EXOC6B: variants seen among roughly 807,000 people sequenced by gnomAD.
The protein encoded by EXOC6B is SEC15 homolog B.
A neutral mutation model predicts 113.5 loss-of-function variants in EXOC6B; 54 were observed. The ratio of observed to expected loss-of-function variants is 0.48; its 90% CI spans 0.38 to 0.60. EXOC6B has a LOEUF of 0.60. Among genes scored for constraint, EXOC6B ranks in the 20% least tolerant of loss-of-function variants. The pLI is 0.00. For missense variants in EXOC6B, 797 were observed against 977.5 expected, an observed-to-expected ratio of 0.82 and a Z score of 2.46; for synonymous variants, 357 against 339.0, an observed-to-expected ratio of 1.05 and a Z score of -0.58.
intron 6 of EXOC6B, among the ~76,000 whole-genome samples, chr2:72,706,251 G>C (rs978395359): frequency 6.6e-6 from 1 of 152,120 alleles, no homozygotes; most frequent in Non-Finnish European, 1.5e-5. Flanking sequence ...ACTTTCCAAT[G>C]AAATACTTTC....
At chr2:72,710,297 A>G (rs1011185179) in intron 6 of EXOC6B, among the ~76,000 whole-genome samples, 17 of 152,210 alleles carry the variant, frequency 1.1e-4, no homozygotes, top group African/African-American at 3.1e-4. Context: ...CCCCAACTCA[A>G]TATCAGTAAA....
intron 20 of EXOC6B, among the ~76,000 whole-genome samples, chr2:72,240,458 G>T (rs577055912): frequency 2.6e-5 from 4 of 152,240 alleles, no homozygotes; most frequent in African/African-American, 9.6e-5. Flanking sequence ...ACACTAAAAT[G>T]TATAGTGCTT....
chr2:72,420,293 T>C (rs1434769592), intron 18 of EXOC6B, among the ~76,000 whole-genome samples: 1 of 152,148 alleles, frequency 6.6e-6, no homozygotes, highest in African/African-American at 2.4e-5. Context: ...AATGTGCAGG[T>C]TTGTTACATA....
At chr2:72,777,086 CA>C (rs1422398374) in intron 1 of EXOC6B, among the ~76,000 whole-genome samples, 1 of 151,964 alleles carries the variant, frequency 6.6e-6, no homozygotes, top group Non-Finnish European at 1.5e-5. Context: ...AATAAAAATA[CA>C]AAAATCAGCC....
intron 21 of EXOC6B, among the ~76,000 whole-genome samples, chr2:72,181,729 G>T (rs1047216787): frequency 1.3e-5 from 2 of 152,130 alleles, no homozygotes; most frequent in Admixed American, 6.5e-5. Flanking sequence ...GGCCACAAAG[G>T]CTAGAATTTC....
intron 20 of EXOC6B, among the ~76,000 whole-genome samples, chr2:72,329,096 T>G (rs1688293374): frequency 6.6e-6 from 1 of 152,120 alleles, no homozygotes; most frequent in African/African-American, 2.4e-5. Context: ...CTGGAAGGTT[T>G]GCAAACAACT....
At chr2:72,397,625 A>AAAATAAAAT (rs1553396402) in intron 18 of EXOC6B, among the ~76,000 whole-genome samples, 1 of 104,142 alleles carries the variant, frequency 9.6e-6, no homozygotes, top group African/African-American at 7.9e-5. Flanking sequence ...CTCAAAAAAA[A>AAAATAAAAT]AAAATAAAAT....
At position 72,794,823 on chromosome 2, in the gene EXOC6B, G is replaced by A. The variant is rs532885095; in HGVS notation, c.113+30975C>T. Among the ~76,000 whole-genome samples, 38 of 152,312 alleles carry A rather than the reference G, an allele frequency of 2.5e-4. 1 individual carries two copies. In the South Asian group the frequency reaches 7.5e-3, roughly 30 times the overall value. ...TAACAGAGAAATTCTAACAGGAAAT[G>A]AGTCAGGAAAACATCACAGAAGAGA... is the stretch of plus-strand genomic sequence containing the variant. On this transcript the variant is annotated intron_variant, in intron 1 of 21. Coordinates refer to ENST00000272427, the MANE Select transcript of EXOC6B (RefSeq NM_015189.3).
At chr2:72,568,131 T>A (rs758558268) in intron 7 of EXOC6B, among the ~76,000 whole-genome samples, 11 of 152,022 alleles carry the variant, frequency 7.2e-5, no homozygotes, top group Non-Finnish European at 1.3e-4. Flanking sequence ...GAACTTAATA[T>A]TACCTTTGTA....
chr2:72,787,911 C>G (rs1441759257), intron 1 of EXOC6B, among the ~76,000 whole-genome samples: 4 of 152,186 alleles, frequency 2.6e-5, no homozygotes, highest in Non-Finnish European at 5.9e-5. Context: ...AAAGAAGACC[C>G]ATTCAGCTAT....
chr2:72,415,424 C>T (rs537330976), intron 18 of EXOC6B, among the ~76,000 whole-genome samples: 1 of 150,862 alleles, frequency 6.6e-6, no homozygotes, highest in South Asian at 2.1e-4. Context: ...ATAAAACAAA[C>T]AGAAAACACC....
intron 18 of EXOC6B, among the ~76,000 whole-genome samples, chr2:72,446,676 G>A (rs1264004221): frequency 6.6e-6 from 1 of 152,152 alleles, no homozygotes; most frequent in East Asian, 1.9e-4. Context: ...TGGGTACTAG[G>A]CTTAATACCT....
intron 6 of EXOC6B, among the ~76,000 whole-genome samples, chr2:72,599,065 T>C (rs1454144612): frequency 6.6e-6 from 1 of 152,074 alleles, no homozygotes; most frequent in Non-Finnish European, 1.5e-5. Context: ...AGCATTACCA[T>C]AGTCCATAGT....
intron 6 of EXOC6B, among the ~76,000 whole-genome samples, chr2:72,614,713 G>A (rs1211693516): frequency 6.6e-6 from 1 of 152,074 alleles, no homozygotes; most frequent in Non-Finnish European, 1.5e-5. Context: ...AAAGTCAAAA[G>A]CACTGAAATG....
intron 1 of EXOC6B, among the ~76,000 whole-genome samples, chr2:72,807,583 A>C (rs1436970306): frequency 1.3e-5 from 2 of 152,154 alleles, no homozygotes; most frequent in Non-Finnish European, 2.9e-5. Flanking sequence ...GCCAAGATTT[A>C]AAAGCAACCT....
chr2:72,711,989 A>T (rs1370803185), intron 6 of EXOC6B, among the ~76,000 whole-genome samples: 5 of 152,210 alleles, frequency 3.3e-5, no homozygotes, highest in Non-Finnish European at 5.9e-5. Context: ...AAGTAAAACC[A>T]TAAATAAGGG....
chr2:72,631,410 GT>G, intron 6 of EXOC6B, among the ~76,000 whole-genome samples: 2 of 8,142 alleles, frequency 2.5e-4, no homozygotes, highest in East Asian at 0.011. Context: ...GTGTATATGT[GT>G]GTGTGTGTGT....
chr2:72,690,904 C>T (rs974048776), intron 6 of EXOC6B, among the ~76,000 whole-genome samples: 2 of 152,080 alleles, frequency 1.3e-5, no homozygotes, highest in African/African-American at 2.4e-5. Context: ...AGGGTCTTTG[C>T]AGATGTAATA....
Position 72,465,350 on chromosome 2 carries a change from A to C in EXOC6B, c.1801-11T>G. The C allele has an allele frequency of 6.4e-7, 1 of 1,559,052 alleles. No homozygotes were observed. Among genetic ancestry groups the C allele is most frequent in the Non-Finnish European group, 8.7e-7 (1 of 1,152,120 alleles). The stretch of plus-strand genomic sequence containing the variant: ...TGCATGTCTAGCATCCTGTGAAAAA[A>C]TATAAAATTTGAAAAATCACTCAGA... On this transcript the variant is annotated splice_polypyrimidine_tract_variant and intron_variant, in intron 17 of 21. Transcript: ENST00000272427.
Sources: allele counts gnomAD v4.1 joint callset (sites outside exome capture counted in the v4.1 genomes callset), GRCh38; gene constraint gnomAD v4.1.1; transcripts MANE v1.5; gene names NCBI Gene and HGNC (gene_info 2026-07-23, HGNC 2026-07-21).